The following MYOF variants were observed in gnomAD, a reference collection of about 807,000 sequenced individuals.
MYOF encodes the protein myoferlin.
In MYOF, 244 loss-of-function variants were observed where a neutral mutation model predicts 284.2. That is an observed-to-expected ratio of 0.86 (90% CI 0.77 to 0.95). MYOF has a LOEUF of 0.95. Ranked by LOEUF, MYOF falls within the 40% of genes least tolerant of loss-of-function variation. The pLI, the probability that MYOF is intolerant of heterozygous loss-of-function variation, is 0.00. For synonymous variants in MYOF, 904 were observed against 919.7 expected, an observed-to-expected ratio of 0.98 and a Z score of 0.31; for missense variants, 2,496 against 2,560.6, an observed-to-expected ratio of 0.97 and a Z score of 0.54.
At chr10:93,326,759 G>C (rs866232488) in intron 45 of MYOF, among the ~76,000 whole-genome samples, 9 of 152,142 alleles carry the variant, frequency 5.9e-5, no homozygotes, top group African/African-American at 2.2e-4. Context: ...CGAGTAGCTG[G>C]GATTACAGGC....
chr10:93,308,905 T>C (rs1842258024), intron 53 of MYOF, among the ~76,000 whole-genome samples: 1 of 151,984 alleles, frequency 6.6e-6, no homozygotes, highest in South Asian at 2.1e-4. Context: ...AGAGACGGGG[T>C]TTCGCTATGT....
At chr10:93,339,367 TTG>T (rs35070199) in intron 39 of MYOF, among the ~76,000 whole-genome samples, 44,975 of 150,194 alleles carry the variant, frequency 0.3, 7,668 homozygotes, top group Middle Eastern at 0.42. Flanking sequence ...TGCTTCTTAT[TTG>T]TGTGTGTGTG....
At chr10:93,366,326 A>G in intron 26 of MYOF, 66 bp downstream of exon 26, 1 of 1,508,982 alleles carries the variant, frequency 6.6e-7, no homozygotes, top group Non-Finnish European at 9.1e-7. Flanking sequence ...GAGATATAAT[A>G]TATTTAGCAA....
chr10:93,403,358 T>C (rs995556520), intron 9 of MYOF, among the ~76,000 whole-genome samples: 2 of 152,216 alleles, frequency 1.3e-5, no homozygotes, highest in Non-Finnish European at 2.9e-5. Flanking sequence ...GCTTTACACA[T>C]ACTATCTCAT....
At chr10:93,372,317 C>T (rs1334746593) in intron 24 of MYOF, among the ~76,000 whole-genome samples, 1 of 152,084 alleles carries the variant, frequency 6.6e-6, no homozygotes, top group African/African-American at 2.4e-5. Context: ...AATACGGGGC[C>T]CTGGAACAGG....
At chr10:93,366,684 C>T in intron 25 of MYOF, 129 bp from the exon 26 acceptor site, 3 of 740,890 alleles carry the variant, frequency 4.0e-6, no homozygotes, top group Non-Finnish European at 6.4e-6. Flanking sequence ...GCTTTATGCT[C>T]AGAAGGTATG....
chr10:93,402,841 TG>T lies in MYOF; in HGVS notation c.874+18del, dbSNP rs748966990. ...GAATGAATTTAAGACTTCATATTGA[TG>T]GGGAGAACATTACTTACCAGGTTCA... On this transcript the variant is annotated intron_variant, in intron 10 of 53. Transcript: ENST00000359263. 1 of 1,603,276 alleles carries T rather than the reference TG, an allele frequency of 6.2e-7. No homozygotes were observed. The highest frequency in any genetic ancestry group is 8.5e-7 in the Non-Finnish European group (1 of 1,170,528).
At chr10:93,463,987 G>A (rs1432376080) in intron 1 of MYOF, among the ~76,000 whole-genome samples, 1 of 152,104 alleles carries the variant, frequency 6.6e-6, no homozygotes, top group African/African-American at 2.4e-5. Context: ...AGGCTATGGT[G>A]GTGTCTAATT....
intron 4 of MYOF, among the ~76,000 whole-genome samples, chr10:93,428,702 G>A (rs1473226369): frequency 6.6e-6 from 1 of 152,092 alleles, no homozygotes; most frequent in Non-Finnish European, 1.5e-5. Context: ...TGCTCTGGAA[G>A]GGACTGAACA....
At chr10:93,322,762 A>T (rs1589385044) in intron 48 of MYOF, among the ~76,000 whole-genome samples, 1 of 152,238 alleles carries the variant, frequency 6.6e-6, no homozygotes, top group South Asian at 2.1e-4. Context: ...ATAAAAAGAA[A>T]CTACATGGCT....
intron 2 of MYOF, among the ~76,000 whole-genome samples, chr10:93,452,401 C>T (rs2056617308): frequency 1.3e-5 from 2 of 151,950 alleles, no homozygotes; most frequent in Non-Finnish European, 2.9e-5. Flanking sequence ...ACCAGGTGAC[C>T]ACACCCCTGC....
chr10:93,397,501 T>C, intron 13 of MYOF, 45 bp from the exon 14 acceptor site: 1 of 1,469,852 alleles, frequency 6.8e-7, no homozygotes, highest in Non-Finnish European at 9.3e-7. Flanking sequence ...AAGTTTCTAA[T>C]TTCTAAAAGT....
intron 3 of MYOF, among the ~76,000 whole-genome samples, chr10:93,438,943 A>T (rs552132857): frequency 1.3e-5 from 2 of 152,168 alleles, no homozygotes. Context: ...TTTCCTGCTC[A>T]TCGAAAGGGG....
Position 93,415,036 on chromosome 10 carries a change from G to A in MYOF, c.434-5297C>T, listed in dbSNP as rs528970259. 7.2e-5 allele frequency among the ~76,000 whole-genome samples: 11 copies of A among 152,188 alleles called. No homozygotes were observed. In the South Asian group the frequency reaches 8.3e-4, roughly 11 times the overall value. On this transcript the variant is annotated intron_variant, in intron 5 of 53. Coordinates refer to ENST00000359263, the MANE Select transcript of MYOF (RefSeq NM_013451.4). ...TGGGATTATAAGCGTGAGCCACCGC[G>A]CCTGGCTGAGAGGCCATCTTTTGTA...
chr10:93,343,989 T>C, intron 37 of MYOF, 57 bp from the exon 38 acceptor site: 1 of 1,592,366 alleles, frequency 6.3e-7, no homozygotes, highest in Non-Finnish European at 8.6e-7. Flanking sequence ...GTGGTGAACA[T>C]TCTACTCCAA....
chr10:93,378,114 T>C (rs932472299), intron 21 of MYOF, among the ~76,000 whole-genome samples: 23 of 152,138 alleles, frequency 1.5e-4, no homozygotes, highest in South Asian at 2.1e-4. Flanking sequence ...AAATAGCGAT[T>C]TACGGACTGG....
At chr10:93,466,935 G>A (rs571566485) in intron 1 of MYOF, among the ~76,000 whole-genome samples, 170 of 152,258 alleles carry the variant, frequency 1.1e-3, no homozygotes, top group African/African-American at 4.0e-3. Flanking sequence ...CCGTGATCAG[G>A]CCACTGCACT....
Position 93,333,965 on chromosome 10 carries a change from G to A in MYOF, c.4564-52C>T. The A allele has an allele frequency of 1.9e-6, 3 of 1,576,244 alleles. No individual in the cohort carries two copies. In the African/African-American group the frequency reaches 4.1e-5, roughly 21 times the overall value. ...CAGGGCCCTGGGTGGCCCAGGTAGA[G>A]GGCTCCTGGGAAGTCCCCTCCTCCG... On this transcript the variant is annotated intron_variant, in intron 41 of 53. Coordinates refer to ENST00000359263, the MANE Select transcript of MYOF (RefSeq NM_013451.4).
At chr10:93,467,272 C>T (rs1477463140) in intron 1 of MYOF, among the ~76,000 whole-genome samples, 2 of 150,796 alleles carry the variant, frequency 1.3e-5, no homozygotes, top group Non-Finnish European at 3.0e-5. Flanking sequence ...CCCATTAACT[C>T]GTCATTTAAC....
Sources: allele counts gnomAD v4.1 joint callset (sites outside exome capture counted in the v4.1 genomes callset), GRCh38; gene constraint gnomAD v4.1.1; transcripts MANE v1.5; gene names NCBI Gene and HGNC (gene_info 2026-07-23, HGNC 2026-07-21).